ATRNL1: variants seen among roughly 807,000 people sequenced by gnomAD.
ATRNL1 encodes attractin like 1, also known as attractin-like protein 1.
In ATRNL1, 95 loss-of-function variants were observed where a neutral mutation model predicts 182.7. The observed-to-expected ratio is 0.52, with a 90% confidence interval of 0.44 to 0.62. The LOEUF is 0.62. ATRNL1 is among the 20% of genes least tolerant of loss of function. The pLI is 0.00. For synonymous variants in ATRNL1, 576 were observed against 568.3 expected (o/e 1.01, Z -0.19); for missense variants, 1,471 against 1,679.5 (o/e 0.88, Z 2.17).
chr10:115,722,189 T>A (rs1947448500), intron 26 of ATRNL1, among the ~76,000 whole-genome samples: 1 of 152,204 alleles, frequency 6.6e-6, no homozygotes, highest in Non-Finnish European at 1.5e-5. Context: ...TAGAATTTTT[T>A]TTTTATTTTT....
Position 115,946,934 on chromosome 10 carries a change from T to G in ATRNL1, c.*2155T>G, listed in dbSNP as rs1461381073. The G allele has an allele frequency of 6.6e-6, 1 of 152,338 alleles. No individual in the cohort carries two copies. The highest frequency in any genetic ancestry group is 1.5e-5 in the Non-Finnish European group (1 of 68,034). 9.4% of individuals were successfully genotyped at this position (152,338 alleles called of 1,614,324 possible). On this transcript the variant is annotated 3_prime_UTR_variant, in exon 29 of 29. Transcript: ENST00000355044. ...TATATTTTTAGGGAGGCTAAGCAGA[T>G]AGTATTACTGTGGAAGAATTATCAA...
At chr10:115,871,467 CTTTGTGTGTG>C (rs1565451010) in intron 28 of ATRNL1, among the ~76,000 whole-genome samples, 6 of 16,566 alleles carry the variant, frequency 3.6e-4, no homozygotes, top group Admixed American at 1.2e-3. Flanking sequence ...TGGTCAGATT[CTTTGTGTGTG>C]TGTATATATA....
chr10:115,679,869 T>C (rs1175108187), intron 26 of ATRNL1, among the ~76,000 whole-genome samples: 7 of 152,124 alleles, frequency 4.6e-5, no homozygotes. Context: ...CTGACATTAC[T>C]TTTTGATTAA....
chr10:115,690,229 A>C (rs1277038700), intron 26 of ATRNL1, among the ~76,000 whole-genome samples: 3 of 151,268 alleles, frequency 2.0e-5, no homozygotes, highest in African/African-American at 7.3e-5. Context: ...GCAGTCCCCA[A>C]CCTTTTTGGA....
At chr10:115,903,514 A>C (rs1274933333) in intron 28 of ATRNL1, among the ~76,000 whole-genome samples, 1 of 152,164 alleles carries the variant, frequency 6.6e-6, no homozygotes, top group Non-Finnish European at 1.5e-5. Context: ...TCCTTTCTTA[A>C]CTATGACAAA....
intron 8 of ATRNL1, among the ~76,000 whole-genome samples, chr10:115,184,630 T>C (rs1402426222): frequency 4.6e-5 from 7 of 151,764 alleles, no homozygotes; most frequent in Admixed American, 3.3e-4. Flanking sequence ...CATGAAAGTA[T>C]ATTTACCTGT....
At chr10:115,098,493 G>C (rs2085076155) in intron 1 of ATRNL1, among the ~76,000 whole-genome samples, 1 of 127,496 alleles carries the variant, frequency 7.8e-6, no homozygotes, top group Non-Finnish European at 1.6e-5. Flanking sequence ...ACCGAGTCTG[G>C]CTCTGTCACC....
intron 28 of ATRNL1, among the ~76,000 whole-genome samples, chr10:115,896,943 G>A (rs943204055): frequency 2.6e-5 from 4 of 152,106 alleles, no homozygotes; most frequent in South Asian, 2.1e-4. Context: ...AAGACTAATC[G>A]CTGGTGACTG....
chr10:115,498,586 A>G (rs1441786514), intron 24 of ATRNL1, among the ~76,000 whole-genome samples: 1 of 152,026 alleles, frequency 6.6e-6, no homozygotes, highest in Non-Finnish European at 1.5e-5. Flanking sequence ...CACTGTTACT[A>G]CATTCTGTTT....
chr10:115,354,340 G>A (rs1554942290), intron 19 of ATRNL1, among the ~76,000 whole-genome samples: 1 of 151,928 alleles, frequency 6.6e-6, no homozygotes, highest in Non-Finnish European at 1.5e-5. Flanking sequence ...AATCTCTTCA[G>A]CATTTTTTTT....
chr10:115,470,012 A>G (rs1375498682), intron 24 of ATRNL1, among the ~76,000 whole-genome samples: 2 of 150,572 alleles, frequency 1.3e-5, no homozygotes, highest in African/African-American at 4.8e-5. Context: ...TTGAATTTAC[A>G]TTAGTTATTC....
chr10:115,705,633 C>A (rs1946873323), intron 26 of ATRNL1, among the ~76,000 whole-genome samples: 1 of 151,770 alleles, frequency 6.6e-6, no homozygotes, highest in African/African-American at 2.4e-5. Flanking sequence ...AGATTATTGT[C>A]TTTTACTGTA....
intron 19 of ATRNL1, among the ~76,000 whole-genome samples, chr10:115,365,732 G>A (rs1394660090): frequency 1.8e-4 from 28 of 151,750 alleles, no homozygotes; most frequent in Non-Finnish European, 2.6e-4. Context: ...CTTTGTTCTC[G>A]TTGGTTTCAA....
At chr10:115,474,238 T>C (rs1404243051) in intron 24 of ATRNL1, among the ~76,000 whole-genome samples, 1 of 151,374 alleles carries the variant, frequency 6.6e-6, no homozygotes, top group Non-Finnish European at 1.5e-5. Flanking sequence ...AAGGTATTCT[T>C]GGTTGGTAGT....
chr10:115,206,764 G>A (rs1296322570), intron 8 of ATRNL1, among the ~76,000 whole-genome samples: 6 of 152,070 alleles, frequency 3.9e-5, no homozygotes, highest in Middle Eastern at 3.4e-3. Context: ...GTATACATGC[G>A]CCATGTTGGT....
chr10:115,669,180 A>G (rs1555040653), intron 26 of ATRNL1, among the ~76,000 whole-genome samples: 2 of 152,136 alleles, frequency 1.3e-5, no homozygotes, highest in Non-Finnish European at 2.9e-5. Context: ...ACTTAAGAAA[A>G]CATTTATACT....
chr10:115,710,421 C>T (rs546332583), intron 26 of ATRNL1, among the ~76,000 whole-genome samples: 3 of 152,218 alleles, frequency 2.0e-5, no homozygotes, highest in East Asian at 1.9e-4. Context: ...GTCATAATTG[C>T]GTGACCTGTG....
At position 115,334,318 on chromosome 10, in the gene ATRNL1, A is replaced by G. The variant is rs1050159510; in HGVS notation, c.3074A>G (p.Asn1025Ser). The change falls in exon 19 of 29, where the codon AAT (asparagine) becomes AGT (serine). Residue 1025 changes from asparagine (N) to serine (S), a missense_variant. By Grantham distance (46) the Asn-to-Ser change is conservative. Around this residue, in one of 3 missense-constraint regions of ATRNL1, gnomAD observed 437 missense variants for 506.0 expected, o/e 0.86. Coordinates refer to ENST00000355044, the MANE Select transcript of ATRNL1 (RefSeq NM_207303.4). ...QCNGHSTCIN[N>S]NVCEQCKNLT... The stretch of plus-strand genomic sequence containing the variant: ...AATGGACATAGCACTTGCATCAATA[A>G]TAATGTGTGCGAACAGTGTAAAAAT... The G allele has an allele frequency of 1.9e-6, 3 of 1,591,950 alleles. No homozygotes were observed. The highest frequency in any genetic ancestry group is 2.7e-5 in the African/African-American group (2 of 74,642).
Position 115,910,406 on chromosome 10 carries a change from G to A in ATRNL1, c.4019-34252G>A, listed in dbSNP as rs1589680451. ...TCTCCCCATCGGGGAGAAGCCTTCT[G>A]GGACCCAGGCCATGCCCTGTCACCC... On this transcript the variant is annotated intron_variant, in intron 28 of 28. Coordinates refer to ENST00000355044, the MANE Select transcript of ATRNL1 (RefSeq NM_207303.4). Among the ~76,000 whole-genome samples, 3 of 152,074 alleles carry A rather than the reference G, an allele frequency of 2.0e-5. No individual in the cohort carries two copies. The East Asian group carries it at 5.8e-4, about 29-fold the overall frequency.
Sources: allele counts gnomAD v4.1 joint callset (sites outside exome capture counted in the v4.1 genomes callset), GRCh38; gene constraint gnomAD v4.1.1; regional missense constraint gnomAD v4.1.1; transcripts MANE v1.5; gene names NCBI Gene and HGNC (gene_info 2026-07-23, HGNC 2026-07-21).